Variants in CASK observed in about 807,000 individuals in gnomAD.
CASK encodes calcium/calmodulin dependent serine protein kinase, also known as peripheral plasma membrane protein CASK.
Under a neutral mutation model 82.9 loss-of-function variants are expected in CASK, and 4 were observed. That is an observed-to-expected ratio of 0.05 (90% CI 0.02 to 0.11). The LOEUF (loss-of-function observed/expected upper bound fraction) is 0.11, where lower values mean the gene tolerates loss of function less well. Ranked by LOEUF, CASK falls within the 10% of genes least tolerant of loss-of-function variation. The probability of loss-of-function intolerance (pLI) is 1.00; values close to 1 mark genes in which losing one functional copy is unlikely to be tolerated. For synonymous variants in CASK, 259 were observed against 253.5 expected, an observed-to-expected ratio of 1.02 and a Z score of -0.20; for missense variants, 358 against 720.9, an observed-to-expected ratio of 0.50 and a Z score of 5.76.
chrX:41,833,754 T>A (rs943983134), intron 2 of CASK, among the ~76,000 whole-genome samples: 3 of 111,652 alleles, frequency 2.7e-5, no homozygotes, highest in African/African-American at 9.8e-5. Context: ...TAATAAAAAT[T>A]ATGCTTTTTT....
At chrX:41,593,593 C>T (rs2065776755) in intron 12 of CASK, among the ~76,000 whole-genome samples, 2 of 111,405 alleles carry the variant, frequency 1.8e-5, no homozygotes, top group South Asian at 3.8e-4. Context: ...TGGTCCCCAG[C>T]AATAACAACT....
Position 41,923,112 on chromosome X carries a change from G to A in CASK, c.-124C>T. On this transcript the variant is annotated 5_prime_UTR_variant, in exon 1 of 27. Coordinates refer to ENST00000378163, the MANE Select transcript of CASK (RefSeq NM_001367721.1). ...TCAGGACCCGCGAGCCCTCGGTGCC[G>A]AGGACGCTCGAGTGGGGCCGCGAGG... 1 of 532,128 alleles carries A rather than the reference G, an allele frequency of 1.9e-6. No individual in the cohort carries two copies. Among genetic ancestry groups the A allele is most frequent in the East Asian group, 3.8e-5 (1 of 26,324 alleles). 43.9% of individuals were successfully genotyped at this position (532,128 alleles called of 1,213,427 possible).
At chrX:41,807,553 T>C (rs1471140534) in intron 2 of CASK, among the ~76,000 whole-genome samples, 1 of 111,729 alleles carries the variant, frequency 9.0e-6, no homozygotes, top group East Asian at 2.8e-4. Flanking sequence ...TACTATGGTA[T>C]CATAGTCTGT....
chrX:41,901,326 AGGCCTGTT>A (rs1307092358), intron 1 of CASK, among the ~76,000 whole-genome samples: 1 of 110,503 alleles, frequency 9.0e-6, no homozygotes, highest in Non-Finnish European at 1.9e-5. Flanking sequence ...AATATTAGCC[AGGCCTGTT>A]GGCACTTGCC....
At chrX:41,607,792 G>A (rs771261632) in intron 12 of CASK, among the ~76,000 whole-genome samples, 1 of 111,833 alleles carries the variant, frequency 8.9e-6, no homozygotes, top group South Asian at 3.8e-4. Flanking sequence ...GGATACAGTA[G>A]AAGATTCCAA....
intron 3 of CASK, among the ~76,000 whole-genome samples, chrX:41,757,154 GTT>G (rs926279865): frequency 8.9e-6 from 1 of 112,058 alleles, no homozygotes; most frequent in African/African-American, 3.2e-5. Context: ...TATTTAGTAA[GTT>G]TGTTGATAAA....
At chrX:41,807,788 G>A (rs1374505677) in intron 2 of CASK, among the ~76,000 whole-genome samples, 7 of 111,497 alleles carry the variant, frequency 6.3e-5, no homozygotes, top group Admixed American at 2.9e-4. Context: ...CCACTCTCGC[G>A]ATAACAACAT....
At chrX:41,860,118 AATGAT>A (rs1388403180) in intron 1 of CASK, among the ~76,000 whole-genome samples, 4 of 111,370 alleles carry the variant, frequency 3.6e-5, no homozygotes, top group East Asian at 5.6e-4. Context: ...ATATCTGGTG[AATGAT>A]ATAAGAAAAA....
intron 1 of CASK, among the ~76,000 whole-genome samples, chrX:41,857,397 T>C (rs1456865373): frequency 9.0e-6 from 1 of 111,339 alleles, no homozygotes. Flanking sequence ...TTTCTAATCA[T>C]AAGTATACAA....
chrX:41,684,832 G>A (rs1246368381), intron 5 of CASK, among the ~76,000 whole-genome samples: 1 of 111,691 alleles, frequency 9.0e-6, no homozygotes, highest in African/African-American at 3.3e-5. Flanking sequence ...TATTTACTAG[G>A]ACAACTGATG....
At chrX:41,600,097 G>A (rs2065873321) in intron 12 of CASK, among the ~76,000 whole-genome samples, 1 of 111,790 alleles carries the variant, frequency 8.9e-6, no homozygotes, top group Non-Finnish European at 1.9e-5. Flanking sequence ...AATTATTAAT[G>A]TGCTGCTTTA....
At chrX:41,530,339 T>C (rs1417013679) in intron 25 of CASK, among the ~76,000 whole-genome samples, 1 of 112,394 alleles carries the variant, frequency 8.9e-6, no homozygotes, top group Admixed American at 9.4e-5. Flanking sequence ...TAATAATTCC[T>C]ACTGCAAGAC....
chrX:41,727,065 C>A, intron 5 of CASK: 1 of 1,169,727 alleles, frequency 8.5e-7, no homozygotes, highest in Non-Finnish European at 1.2e-6. Flanking sequence ...CATCTATGAT[C>A]TCTTCCATGG....
chrX:41,798,141 G>C (rs941955350), intron 2 of CASK, among the ~76,000 whole-genome samples: 1 of 111,819 alleles, frequency 8.9e-6, no homozygotes, highest in African/African-American at 3.3e-5. Context: ...TATGTATGTG[G>C]ATATTGTCTT....
At chrX:41,818,762 T>C (rs1034461791) in intron 2 of CASK, among the ~76,000 whole-genome samples, 2 of 109,807 alleles carry the variant, frequency 1.8e-5, no homozygotes, top group African/African-American at 6.6e-5. Flanking sequence ...CAAGGGGAAA[T>C]TCAATGGAGA....
intron 1 of CASK, among the ~76,000 whole-genome samples, chrX:41,898,653 T>G (rs755149712): frequency 2.1e-4 from 23 of 112,011 alleles, no homozygotes; most frequent in Non-Finnish European, 4.0e-4. Flanking sequence ...TTCATTTGCC[T>G]CAAGATTTTA....
Position 41,677,157 on chromosome X carries a change from GA to G in CASK, c.430-5628del, listed in dbSNP as rs200612019. ...CCCCATCTCTATTTTATAGAAAAAT[GA>G]AAAAAAAAAAAAAAAGAATTTGGTC... On this transcript the variant is annotated intron_variant, in intron 5 of 26. Transcript: ENST00000378163. Among the ~76,000 whole-genome samples, 516 of 53,352 alleles carry G rather than the reference GA, an allele frequency of 9.7e-3. 3 individuals carry two copies. The highest frequency in any genetic ancestry group is 0.082 in the East Asian group (133 of 1,631). 46.3% of individuals were successfully genotyped at this position (53,352 alleles called of 115,157 possible). A position where few individuals can be genotyped will look rare whatever the true frequency, so the allele number is the denominator to read the frequency against.
intron 2 of CASK, among the ~76,000 whole-genome samples, chrX:41,843,108 C>T (rs1444860043): frequency 9.0e-6 from 1 of 111,287 alleles, no homozygotes; most frequent in Non-Finnish European, 1.9e-5. Context: ...TGTTATATGC[C>T]AATAGAGGGC....
At chrX:41,877,520 G>A (rs1184353691) in intron 1 of CASK, among the ~76,000 whole-genome samples, 1 of 111,417 alleles carries the variant, frequency 9.0e-6, no homozygotes, top group Non-Finnish European at 1.9e-5. Flanking sequence ...AGTAACTTAA[G>A]ACCACCAGAA....
Sources: gnomAD v4.1 joint callset for allele counts (sites outside exome capture counted in the v4.1 genomes callset) on GRCh38, gnomAD v4.1.1 for gene constraint, MANE v1.5 for transcripts, NCBI Gene and HGNC (gene_info 2026-07-23, HGNC 2026-07-21) for gene names.